The following LSP1 variants were observed in gnomAD, a reference collection of about 807,000 sequenced individuals.
The protein encoded by LSP1 is lymphocyte specific protein 1.
LSP1 carries 32 observed loss-of-function variants against 49.3 expected under a neutral mutation model. The observed-to-expected ratio is 0.65, with a 90% CI of 0.49 to 0.87. The LOEUF (loss-of-function observed/expected upper bound fraction) is 0.87. LSP1 is among the 40% of genes least tolerant of loss of function. LSP1 has a pLI of 0.00. For missense variants in LSP1, 428 were observed against 442.6 expected (o/e 0.97, Z 0.30); for synonymous variants, 179 against 178.8 (o/e 1.00, Z -0.01).
At chr11:1,885,637 C>T (rs1848722408) in intron 7 of LSP1, among the ~76,000 whole-genome samples, 1 of 151,874 alleles carries the variant, frequency 6.6e-6, no homozygotes, top group Non-Finnish European at 1.5e-5. Flanking sequence ...TTTATCTAAT[C>T]AGGACATCTC....
rs374290957 is a variant in LSP1, at chr11:1,881,486, C to T, written c.246C>T (p.Gly82=). 2.9e-5 allele frequency: 45 copies of T among 1,578,316 alleles called. No homozygotes were observed. The highest frequency in any genetic ancestry group is 1.4e-4 in the South Asian group (12 of 86,310). The change falls in exon 3 of 11, where the codon GGC becomes GGT. Residue 82 remains glycine, a synonymous_variant. Coordinates refer to ENST00000311604, the MANE Select transcript of LSP1 (RefSeq NM_002339.3). ...AACTGGATGAGGACGAGGGCTTTGG[C>T]GACTGGTCCCAGAGGCCAGAGCAGC... ...APELDEDEGF[G]DWSQRPEQRQ... is the part of the protein sequence containing the mutation.
chr11:1,879,402 G>A (rs1848444569), intron 1 of LSP1, among the ~76,000 whole-genome samples: 1 of 152,190 alleles, frequency 6.6e-6, no homozygotes, highest in South Asian at 2.1e-4. Context: ...TCTGAAATAA[G>A]GATGGGGTGG....
chr11:1,856,770 C>T (rs751126489), intron 1 of LSP1, among the ~76,000 whole-genome samples: 1 of 152,256 alleles, frequency 6.6e-6, no homozygotes, highest in Non-Finnish European at 1.5e-5. Flanking sequence ...TTGGGCAGCC[C>T]TCCCGCCCAC....
chr11:1,886,594 C>A, intron 7 of LSP1, 138 bp from the exon 8 acceptor site: 1 of 957,586 alleles, frequency 1.0e-6, no homozygotes, highest in African/African-American at 1.7e-5. Flanking sequence ...TTCCAGTGAT[C>A]CCCACTCTGG....
At chr11:1,870,056 A>G (rs1847934263) in intron 1 of LSP1, 1 of 434,692 alleles carries the variant, frequency 2.3e-6, no homozygotes, top group Non-Finnish European at 4.9e-6. Context: ...AATGGGGATG[A>G]TAGGACTGCG....
chr11:1,889,196 G>A (rs905189546), intron 10 of LSP1: 1 of 674,460 alleles, frequency 1.5e-6, no homozygotes, highest in Non-Finnish European at 2.7e-6. Context: ...TGGGCTGGGG[G>A]CTCAGCTCCA....
At chr11:1,868,425 C>T (rs1398463846) in intron 1 of LSP1, among the ~76,000 whole-genome samples, 1 of 152,260 alleles carries the variant, frequency 6.6e-6, no homozygotes, top group Non-Finnish European at 1.5e-5. Flanking sequence ...GTGGCAGCCA[C>T]ACCGTGCTTG....
chr11:1,866,720 A>T (rs1396645785), intron 1 of LSP1: 1 of 1,550,326 alleles, frequency 6.5e-7, no homozygotes, highest in Non-Finnish European at 8.7e-7. Context: ...GTGGCCTGGG[A>T]TTTGAGGAGT....
At chr11:1,871,529 G>A in intron 1 of LSP1, 1 of 951,246 alleles carries the variant, frequency 1.1e-6, no homozygotes, top group Non-Finnish European at 1.3e-6. Flanking sequence ...GGGAAGCCAG[G>A]GGTAGAGGGG....
intron 1 of LSP1, chr11:1,869,624 G>GCT (rs1847910061): frequency 2.1e-6 from 1 of 470,610 alleles, no homozygotes; most frequent in Non-Finnish European, 4.4e-6. Flanking sequence ...GGGGCAGAAG[G>GCT]CTCAGAGCCG....
rs113896343 is a variant in LSP1 at position 1,878,707 on chromosome 11, C to G, written c.54-1380C>G. ...GCAGGGTCAGGCAGCGGCCACTGGC[C>G]GGGAAGAACTGAGACCCCAGTGGGG... is the stretch of plus-strand genomic sequence containing the variant. On this transcript the variant is annotated intron_variant, in intron 1 of 10. Transcript: ENST00000311604. Among the ~76,000 whole-genome samples, 1,463 of 152,222 alleles carry G rather than the reference C, an allele frequency of 9.6e-3. 25 individuals are homozygous for G. The highest frequency in any genetic ancestry group is 0.032 in the African/African-American group (1,316 of 41,516).
At chr11:1,887,716 T>C in intron 10 of LSP1, 140 bp downstream of exon 10, 2 of 620,350 alleles carry the variant, frequency 3.2e-6, no homozygotes, top group Non-Finnish European at 5.7e-6. Context: ...CCAGACCAGC[T>C]CAGTCTCCCA....
At chr11:1,854,856 A>G (rs991198672) in intron 1 of LSP1, among the ~76,000 whole-genome samples, 4 of 151,806 alleles carry the variant, frequency 2.6e-5, no homozygotes, top group African/African-American at 9.7e-5. Context: ...GGGCTGGGGC[A>G]CCCCCGCCTT....
intron 1 of LSP1, among the ~76,000 whole-genome samples, chr11:1,856,422 C>T (rs1847491188): frequency 6.6e-6 from 1 of 152,258 alleles, no homozygotes; most frequent in Non-Finnish European, 1.5e-5. Context: ...ACCCAACCGC[C>T]CTGCTCCTCT....
intron 1 of LSP1, among the ~76,000 whole-genome samples, chr11:1,855,582 C>T (rs1847468283): frequency 1.3e-5 from 2 of 152,308 alleles, no homozygotes; most frequent in Admixed American, 1.3e-4. Context: ...GCCCCCAGGA[C>T]AGGACTGTCC....
At chr11:1,865,304 G>A in intron 1 of LSP1, 2 of 929,632 alleles carry the variant, frequency 2.2e-6, no homozygotes, top group Non-Finnish European at 2.6e-6. Context: ...GGGCAGGGCA[G>A]GGTGCCCATG....
At chr11:1,875,804 G>A (rs1387404760) in intron 1 of LSP1, among the ~76,000 whole-genome samples, 3 of 152,184 alleles carry the variant, frequency 2.0e-5, no homozygotes, top group African/African-American at 7.2e-5. Flanking sequence ...GACGGCGCAT[G>A]CCCCTCCCGC....
chr11:1,866,123 T>C lies in LSP1; in HGVS notation c.53+12926T>C, dbSNP rs542101702. 2.6e-5 allele frequency among the ~76,000 whole-genome samples: 4 copies of C among 152,312 alleles called. No homozygotes were observed. The South Asian group carries it at 8.3e-4, about 32-fold the overall frequency. On this transcript the variant is annotated intron_variant, in intron 1 of 10. Transcript: ENST00000311604. ...GCACCGTCAGCCACTCTGAGCCGCC[T>C]GTAGTGCCCTTTCTCCTCCTCAACC...
chr11:1,868,236 A>C (rs1847859138), intron 1 of LSP1, among the ~76,000 whole-genome samples: 2 of 152,196 alleles, frequency 1.3e-5, no homozygotes, highest in African/African-American at 4.8e-5. Context: ...GCCGGCTGAG[A>C]GTGCCTTGTA....
Sources: gnomAD v4.1 joint callset for allele counts (sites outside exome capture counted in the v4.1 genomes callset) on GRCh38, gnomAD v4.1.1 for gene constraint, MANE v1.5 for transcripts, NCBI Gene and HGNC (gene_info 2026-07-23, HGNC 2026-07-21) for gene names.